The following TBCEL variants were observed in gnomAD, a reference collection of about 807,000 sequenced individuals.
TBCEL encodes the protein tubulin folding cofactor E like.
Under a neutral mutation model 44.2 loss-of-function variants are expected in TBCEL, and 15 were observed. The ratio of observed to expected loss-of-function variants is 0.34; its 90% CI spans 0.23 to 0.52. The LOEUF is 0.52. TBCEL is among the 20% of genes least tolerant of loss of function. The pLI, the probability that TBCEL is intolerant of heterozygous loss-of-function variation, is 0.95. For missense variants in TBCEL, 319 were observed against 506.3 expected, an observed-to-expected ratio of 0.63 and a Z score of 3.55; for synonymous variants, 171 against 185.4, an observed-to-expected ratio of 0.92 and a Z score of 0.63.
intron 3 of TBCEL, among the ~76,000 whole-genome samples, chr11:121,046,683 A>C: frequency 6.6e-6 from 1 of 152,088 alleles, no homozygotes; most frequent in East Asian, 1.9e-4. Flanking sequence ...TTAATAAAGT[A>C]CTACCTTGAT....
intron 8 of TBCEL, among the ~76,000 whole-genome samples, chr11:121,072,720 AT>A (rs1945958829): frequency 6.6e-6 from 1 of 152,104 alleles, no homozygotes. Context: ...TAAAATTTTA[AT>A]GTCTGATTTG....
intron 8 of TBCEL, among the ~76,000 whole-genome samples, chr11:121,082,816 C>A (rs982823557): frequency 2.6e-5 from 4 of 152,174 alleles, no homozygotes; most frequent in Non-Finnish European, 5.9e-5. Context: ...GCACTGCGCA[C>A]CTTTGTAAGG....
intron 2 of TBCEL, among the ~76,000 whole-genome samples, chr11:121,042,847 T>C (rs1945358640): frequency 6.6e-6 from 1 of 152,154 alleles, no homozygotes; most frequent in Non-Finnish European, 1.5e-5. Flanking sequence ...GTTTAGACCA[T>C]ACATAAGTGA....
chr11:121,068,036 T>C (rs1945852910), intron 8 of TBCEL, among the ~76,000 whole-genome samples: 1 of 152,240 alleles, frequency 6.6e-6, no homozygotes, highest in Non-Finnish European at 1.5e-5. Context: ...TCTTCTCTTC[T>C]GTACTCATCC....
intron 1 of TBCEL, among the ~76,000 whole-genome samples, chr11:121,030,293 T>C (rs1030562365): frequency 6.6e-6 from 1 of 152,054 alleles, no homozygotes; most frequent in African/African-American, 2.4e-5. Context: ...ATGTAAGCAG[T>C]GATCAGATTA....
Position 121,055,328 on chromosome 11 carries a change from T to G in TBCEL, c.712+20T>G. On this transcript the variant is annotated intron_variant, in intron 6 of 8. Transcript: ENST00000683345. The stretch of plus-strand genomic sequence containing the variant: ...AGTCAGGTGAGGTTCAGGCTTGTTC[T>G]TATTCTACATGCAAATTAACCTGAG... 1 of 1,559,224 alleles carries G rather than the reference T, an allele frequency of 6.4e-7. No homozygotes were observed.
intron 6 of TBCEL, among the ~76,000 whole-genome samples, chr11:121,055,934 ATGGT>A (rs1392685724): frequency 6.6e-6 from 1 of 151,650 alleles, no homozygotes; most frequent in Non-Finnish European, 1.5e-5. Context: ...TACATAGCAA[ATGGT>A]ACAAATGGTA....
At chr11:121,086,745 T>G (rs370941452) in intron 8 of TBCEL, 33 bp from the exon 9 acceptor site, 3 of 1,537,720 alleles carry the variant, frequency 2.0e-6, no homozygotes, top group Non-Finnish European at 2.7e-6. Context: ...TGCTAGTAGT[T>G]TAAGCTGACA....
chr11:121,083,056 T>C lies in TBCEL; in HGVS notation c.957-3722T>C, dbSNP rs536795602. Among the ~76,000 whole-genome samples, 4 of 152,324 alleles carry C rather than the reference T, an allele frequency of 2.6e-5. No homozygotes were observed. In the South Asian group the frequency reaches 6.2e-4, roughly 24 times the overall value. On this transcript the variant is annotated intron_variant, in intron 8 of 8. Transcript: ENST00000683345. ...TGTGACTGATAGAAGCTAAATCTCA[T>C]TGGCAAGAGAGTGTGGGAAATGTAT...
At chr11:121,076,502 G>A (rs1946036234) in intron 8 of TBCEL, among the ~76,000 whole-genome samples, 1 of 151,856 alleles carries the variant, frequency 6.6e-6, no homozygotes, top group South Asian at 2.1e-4. Context: ...ATTACAATTG[G>A]TATTTGTAAT....
intron 8 of TBCEL, among the ~76,000 whole-genome samples, chr11:121,074,911 A>G (rs1444406459): frequency 6.6e-6 from 1 of 152,014 alleles, no homozygotes; most frequent in African/African-American, 2.4e-5. Context: ...GATCCTGTGT[A>G]CCCTTCACCT....
At chr11:121,076,647 T>A (rs1946039018) in intron 8 of TBCEL, among the ~76,000 whole-genome samples, 1 of 151,976 alleles carries the variant, frequency 6.6e-6, no homozygotes, top group South Asian at 2.1e-4. Context: ...CTTTTTACAT[T>A]TTTGTTGTTT....
intron 7 of TBCEL, 23 bp downstream of exon 7, chr11:121,058,494 C>G: frequency 6.2e-7 from 1 of 1,609,430 alleles, no homozygotes; most frequent in Non-Finnish European, 8.5e-7. Context: ...GATCGTTTTG[C>G]TTTATTTTTG....
chr11:121,047,788 G>T, intron 4 of TBCEL, 121 bp downstream of exon 4: 1 of 1,230,204 alleles, frequency 8.1e-7, no homozygotes, highest in South Asian at 1.5e-5. Context: ...ACTTCTTGTT[G>T]TCTGTATATC....
chr11:121,041,946 C>T (rs1456249595), intron 2 of TBCEL, among the ~76,000 whole-genome samples: 1 of 150,068 alleles, frequency 6.7e-6, no homozygotes. Context: ...TAAAAAAAAT[C>T]GTATTTGGAA....
intron 4 of TBCEL, among the ~76,000 whole-genome samples, chr11:121,051,458 A>G (rs1030535504): frequency 2.0e-5 from 3 of 151,032 alleles, no homozygotes; most frequent in Admixed American, 6.6e-5. Context: ...TCCCCCTCCA[A>G]CCTCCACAAA....
chr11:121,048,900 C>T (rs972716736), intron 4 of TBCEL, among the ~76,000 whole-genome samples: 5 of 151,896 alleles, frequency 3.3e-5, no homozygotes, highest in African/African-American at 9.7e-5. Context: ...TCCTATTTAT[C>T]CTTCAAGACT....
chr11:121,033,069 A>G (rs1339356885), intron 1 of TBCEL, among the ~76,000 whole-genome samples: 1 of 152,222 alleles, frequency 6.6e-6, no homozygotes, highest in Non-Finnish European at 1.5e-5. Context: ...TTATTTTAAG[A>G]GAATAATGCT....
Position 121,088,310 on chromosome 11 carries a change from C to T in TBCEL, c.*1214C>T, listed in dbSNP as rs1317606640. On this transcript the variant is annotated 3_prime_UTR_variant, in exon 9 of 9. Transcript: ENST00000683345. The stretch of plus-strand genomic sequence containing the variant: ...TAGTTGCCTCATAGAAGTATAACTG[C>T]CCAATCTATGAGTAAAGTGTAAGTG... 6.6e-6 allele frequency: 1 copy of T among 152,158 alleles called. No individual in the cohort carries two copies. Among genetic ancestry groups the T allele is most frequent in the Non-Finnish European group, 1.5e-5 (1 of 68,026 alleles). The allele number at this position is 152,158 out of a possible 1,614,324, so 9.4% of individuals were successfully genotyped here.
Sources: allele counts gnomAD v4.1 joint callset (sites outside exome capture counted in the v4.1 genomes callset), GRCh38; gene constraint gnomAD v4.1.1; transcripts MANE v1.5; gene names NCBI Gene and HGNC (gene_info 2026-07-23, HGNC 2026-07-21).